NOL4L: variants seen among roughly 807,000 people sequenced by gnomAD.
NOL4L encodes nucleolar protein 4-like.
NOL4L carries 7 observed loss-of-function variants against 64.5 expected under a neutral mutation model. The ratio of observed to expected loss-of-function variants is 0.11; its 90% confidence interval spans 0.06 to 0.20. The LOEUF (loss-of-function observed/expected upper bound fraction) is 0.20. Ranked by LOEUF, NOL4L falls within the 10% of genes least tolerant of loss-of-function variation. The pLI is 1.00. For synonymous variants in NOL4L, 413 were observed against 401.0 expected (o/e 1.03, Z -0.36); for missense variants, 680 against 967.1 (o/e 0.70, Z 3.94).
At chr20:32,575,980 T>C (rs145982017) in intron 1 of NOL4L, among the ~76,000 whole-genome samples, 2 of 152,286 alleles carry the variant, frequency 1.3e-5, no homozygotes, top group Non-Finnish European at 2.9e-5. Flanking sequence ...GGGGCAGGAC[T>C]GTATTTGGCG....
At chr20:32,459,232 A>G (rs2145442921) in intron 5 of NOL4L, among the ~76,000 whole-genome samples, 1 of 150,396 alleles carries the variant, frequency 6.6e-6, no homozygotes, top group East Asian at 1.9e-4. Context: ...TTGGCGACTC[A>G]GTTACATGGT....
At position 32,568,375 on chromosome 20, in the gene NOL4L, C is replaced by T. The variant is rs192573054; in HGVS notation, c.321+16195G>A. 3.9e-3 allele frequency among the ~76,000 whole-genome samples: 593 copies of T among 152,248 alleles called. 20 individuals are homozygous for T. The highest frequency in any genetic ancestry group is 4.7e-4 in the Non-Finnish European group (32 of 68,008). On this transcript the variant is annotated intron_variant, in intron 1 of 10. Transcript: ENST00000621426. ...GGCAAAGCAGCTGATGAGGAGGAGACTCAGATTCACCCCTCCAGCCCCTCC... is the reference window on the plus strand; with the variant it reads ...GGCAAAGCAGCTGATGAGGAGGAGATTCAGATTCACCCCTCCAGCCCCTCC...
In NOL4L at chr20:32,525,772, T is replaced by C. The variant is rs554604256; in HGVS notation, c.477+1986A>G. ...TTTTAATATATTTTTTATTTTTATT[T>C]TTGGAGACAGAGTCTCACTCTGTCA... On this transcript the variant is annotated intron_variant, in intron 2 of 10. Transcript: ENST00000621426. 5.7e-4 allele frequency among the ~76,000 whole-genome samples: 86 copies of C among 152,212 alleles called. No individual in the cohort carries two copies. The Middle Eastern group carries it at 0.01, about 18-fold the overall frequency.
chr20:32,576,459 C>T (rs1396455697), intron 1 of NOL4L, among the ~76,000 whole-genome samples: 2 of 152,198 alleles, frequency 1.3e-5, no homozygotes, highest in East Asian at 3.8e-4. Flanking sequence ...AAGGCTGCAG[C>T]TGCTGTACAG....
chr20:32,517,568 C>G (rs954803519), intron 3 of NOL4L, among the ~76,000 whole-genome samples: 2 of 152,250 alleles, frequency 1.3e-5, no homozygotes, highest in African/African-American at 2.4e-5. Context: ...AAACTCTCCA[C>G]TGGCAGCTTC....
chr20:32,509,688 G>A (rs1460377513), intron 4 of NOL4L: 4 of 1,143,456 alleles, frequency 3.5e-6, no homozygotes, highest in South Asian at 1.5e-5. Context: ...TTCCATTGAC[G>A]CAAGTGAAGA....
At chr20:32,538,460 TCGCTCCCTCCCTCCCTCCC>T in intron 1 of NOL4L, among the ~76,000 whole-genome samples, 2 of 116,514 alleles carry the variant, frequency 1.7e-5, no homozygotes, top group Admixed American at 1.9e-4. Flanking sequence ...CCTCCCTCCC[TCGCTCCCTCCCTCCCTCCC>T]TCCCTCCCTC....
chr20:32,452,763 G>C (rs745759577), intron 9 of NOL4L, 121 bp downstream of exon 9: 1 of 1,469,764 alleles, frequency 6.8e-7, no homozygotes, highest in Non-Finnish European at 9.2e-7. Flanking sequence ...TTGCCCTCCT[G>C]TTCCCCCTCT....
rs921764512 is a variant in NOL4L at position 32,464,503 on chromosome 20, G to GC, written c.842-8109dup. 2.6e-5 allele frequency among the ~76,000 whole-genome samples: 4 copies of GC among 152,178 alleles called. No individual in the cohort carries two copies. Among genetic ancestry groups the GC allele is most frequent in the Non-Finnish European group, 5.9e-5 (4 of 68,022 alleles). On this transcript the variant is annotated intron_variant, in intron 5 of 10. Transcript: ENST00000621426. The surrounding 1 kb of genome is among the most constrained non-coding windows in gnomAD (Gnocchi z 5.6). The stretch of plus-strand genomic sequence containing the variant: ...CCCAGCCACGGAGCAGGGAGCCCAT[G>GC]CCCCCCATCTGGGTGCCACACTTGC...
intron 4 of NOL4L, among the ~76,000 whole-genome samples, chr20:32,505,698 A>G (rs1381783125): frequency 5.3e-5 from 8 of 152,246 alleles, no homozygotes; most frequent in Non-Finnish European, 1.2e-4. Context: ...CCTGGGTGAC[A>G]GAGTGAGACC....
chr20:32,444,409 TGGTA>T lies in NOL4L; in HGVS notation c.*3183_*3186del, dbSNP rs1290332493. On this transcript the variant is annotated 3_prime_UTR_variant, in exon 11 of 11. Transcript: ENST00000621426. ...TCAAAGCAGCATTTTGAAAATGAAC[TGGTA>T]GTTAATCCTGTAACCACCCTTAGAG... 1 of 152,218 alleles carries T rather than the reference TGGTA, an allele frequency of 6.6e-6. No homozygotes were observed. The highest frequency in any genetic ancestry group is 2.4e-5 in the African/African-American group (1 of 41,454). 9.4% of individuals were successfully genotyped at this position (152,218 alleles called of 1,614,324 possible).
Position 32,497,689 on chromosome 20 carries a change from T to G in NOL4L, c.699+13658A>C, listed in dbSNP as rs73105800. The stretch of plus-strand genomic sequence containing the variant: ...TCAGTACAGGGACCATCTGGATGTT[T>G]TGAGCTGCTCCTTCCTGGCCCAGCC... On this transcript the variant is annotated intron_variant, in intron 4 of 10. Transcript: ENST00000621426. 8.8e-3 allele frequency among the ~76,000 whole-genome samples: 1,344 copies of G among 152,314 alleles called. 5 individuals are homozygous for G. The highest frequency in any genetic ancestry group is 0.01 in the Non-Finnish European group (712 of 68,014).
chr20:32,551,497 T>G (rs570512639), intron 1 of NOL4L, among the ~76,000 whole-genome samples: 1 of 152,284 alleles, frequency 6.6e-6, no homozygotes, highest in South Asian at 2.1e-4. Context: ...GGTGCATGAC[T>G]GTACTGATAC....
intron 1 of NOL4L, among the ~76,000 whole-genome samples, chr20:32,557,976 T>C (rs564612930): frequency 6.6e-6 from 1 of 152,212 alleles, no homozygotes; most frequent in South Asian, 2.1e-4. Context: ...CACTTGAGCC[T>C]GGGGAGGTGG....
chr20:32,456,240 T>G lies in NOL4L; in HGVS notation c.997A>C (p.Ile333Leu), dbSNP rs201214520. 3.2e-4 allele frequency: 508 copies of G among 1,608,006 alleles called. 3 individuals are homozygous for G. In the East Asian group the frequency reaches 5.5e-3, roughly 17 times the overall value. The change falls in exon 6 of 11, where the codon ATC becomes CTC. Residue 333 changes from isoleucine (I) to leucine (L), a missense_variant. Around this residue, in one of 4 missense-constraint regions of NOL4L, gnomAD observed 254 missense variants for 238.7 expected, o/e 1.06. Coordinates refer to ENST00000621426, the MANE Select transcript of NOL4L (RefSeq NM_001256798.2). ...GGCGGGAGCTTGTCACACAGGTTGATGGGCTGATCCTCGGCGGCCGTGGTG... is the reference window on the plus strand; with the variant it reads ...GGCGGGAGCTTGTCACACAGGTTGAGGGGCTGATCCTCGGCGGCCGTGGTG... ...DFTTAAEDQP[I>L]NLCDKLPPAT...
rs545610583 is a variant in NOL4L, at chr20:32,560,008, C to G, written c.321+24562G>C. 7.3e-4 allele frequency among the ~76,000 whole-genome samples: 111 copies of G among 152,374 alleles called. 2 individuals carry two copies. The highest frequency in any genetic ancestry group is 7.3e-4 in the Non-Finnish European group (50 of 68,032). On this transcript the variant is annotated intron_variant, in intron 1 of 10. Transcript: ENST00000621426. ...GCGGTGTGCCCGGCCCCCTGGCACTCGGGCTGCCTTCTTGTCCTCCTCCTC... is the reference window on the plus strand; with the variant it reads ...GCGGTGTGCCCGGCCCCCTGGCACTGGGGCTGCCTTCTTGTCCTCCTCCTC...
chr20:32,455,977 A>G, intron 6 of NOL4L, 141 bp downstream of exon 6: 2 of 901,446 alleles, frequency 2.2e-6, no homozygotes, highest in Non-Finnish European at 3.1e-6. Flanking sequence ...AACCGAACAC[A>G]TACCAGCCAC....
chr20:32,453,785 G>A lies in NOL4L; in HGVS notation c.1120-24C>T, dbSNP rs1473422101. Reference sequence around the variant, plus strand: ...GACTAAAAGGAGGGCAAGAGGCAGAGGGTTGGGCCAAGCAGCTGCTCAAGC... The same window carrying A: ...GACTAAAAGGAGGGCAAGAGGCAGAAGGTTGGGCCAAGCAGCTGCTCAAGC... On this transcript the variant is annotated intron_variant, in intron 6 of 10. Coordinates refer to ENST00000621426, the MANE Select transcript of NOL4L (RefSeq NM_001256798.2). The surrounding 1 kb of genome is among the most constrained non-coding windows in gnomAD (Gnocchi z 5.6). 2 of 1,549,386 alleles carry A rather than the reference G, an allele frequency of 1.3e-6. No homozygotes were observed. The highest frequency in any genetic ancestry group is 8.7e-7 in the Non-Finnish European group (1 of 1,145,276).
At chr20:32,579,491 ACCC>A (rs1168843016) in intron 1 of NOL4L, among the ~76,000 whole-genome samples, 1 of 146,276 alleles carries the variant, frequency 6.8e-6, no homozygotes, top group Non-Finnish European at 1.5e-5. Context: ...CAGGCTCCCC[ACCC>A]CCCAATCCTC....
Sources: allele counts gnomAD v4.1 joint callset (sites outside exome capture counted in the v4.1 genomes callset), GRCh38; gene constraint gnomAD v4.1.1; regional missense constraint gnomAD v4.1.1; non-coding constraint Gnocchi (gnomAD v3.1); transcripts MANE v1.5; gene names NCBI Gene and HGNC (gene_info 2026-07-23, HGNC 2026-07-21).